Variants in RCOR3 observed in about 807,000 individuals in gnomAD.
RCOR3 encodes REST corepressor 3.
RCOR3 carries 13 observed loss-of-function variants against 64.1 expected under a neutral mutation model. The observed-to-expected ratio is 0.20, with a 90% confidence interval of 0.13 to 0.32. The LOEUF (loss-of-function observed/expected upper bound fraction) is 0.32, where lower values mean the gene tolerates loss of function less well. RCOR3 is among the 10% of genes least tolerant of loss of function. RCOR3 has a pLI of 1.00. For synonymous variants in RCOR3, 215 were observed against 239.0 expected, an observed-to-expected ratio of 0.90 and a Z score of 0.93; for missense variants, 489 against 701.2, an observed-to-expected ratio of 0.70 and a Z score of 3.42.
intron 7 of RCOR3, among the ~76,000 whole-genome samples, chr1:211,283,826 T>TC (rs1698159522): frequency 6.6e-6 from 1 of 151,252 alleles, no homozygotes; most frequent in Admixed American, 6.6e-5. Context: ...TTTTTTTTTT[T>TC]CACCCATTTT....
At chr1:211,282,146 G>T (rs1697896068) in intron 7 of RCOR3, among the ~76,000 whole-genome samples, 1 of 152,096 alleles carries the variant, frequency 6.6e-6, no homozygotes, top group Non-Finnish European at 1.5e-5. Flanking sequence ...TTGGTCTTTT[G>T]TTTGCTTATG....
At position 211,276,353 on chromosome 1, in the gene RCOR3, G is replaced by T; in HGVS notation, c.451G>T (p.Asp151Tyr). The T allele has an allele frequency of 6.2e-7, 1 of 1,613,982 alleles. No homozygotes were observed. The highest frequency in any genetic ancestry group is 8.5e-7 in the Non-Finnish European group (1 of 1,179,878). The change falls in exon 5 of 12, where the codon GAT becomes TAT. Residue 151 changes from aspartate to tyrosine, a missense_variant. Transcript: ENST00000419091. ...TPFPDEWTVE[D>Y]KVLFEQAFSF... is the part of the protein sequence containing the mutation. ...CTTTCCGGATGAGTGGACAGTGGAA[G>T]ATAAAGTCCTATTTGAACAAGCCTT...
intron 7 of RCOR3, among the ~76,000 whole-genome samples, chr1:211,279,984 A>G (rs1697556839): frequency 1.3e-5 from 2 of 152,198 alleles, no homozygotes; most frequent in Non-Finnish European, 2.9e-5. Flanking sequence ...TTCCAGTCTC[A>G]CTGTAGTCCT....
chr1:211,294,054 G>T (rs1414633396), intron 8 of RCOR3, among the ~76,000 whole-genome samples: 1 of 152,140 alleles, frequency 6.6e-6, no homozygotes, highest in African/African-American at 2.4e-5. Context: ...AGTAGAGTCT[G>T]TTCTGCTATA....
chr1:211,260,579 G>A (rs1409870676), intron 2 of RCOR3, among the ~76,000 whole-genome samples: 1 of 152,080 alleles, frequency 6.6e-6, no homozygotes, highest in South Asian at 2.1e-4. Context: ...GCGCTCTGTC[G>A]GGCGGGTGGC....
intron 2 of RCOR3, among the ~76,000 whole-genome samples, chr1:211,261,735 C>A (rs1314571959): frequency 2.0e-5 from 3 of 151,794 alleles, no homozygotes; most frequent in Non-Finnish European, 4.4e-5. Flanking sequence ...TCCTGGCTAA[C>A]ACGGTGAAAC....
At position 211,315,680 on chromosome 1, in the gene RCOR3, G is replaced by C. The variant is rs977363290; in HGVS notation, c.*1912G>C. 6 of 152,190 alleles carry C rather than the reference G, an allele frequency of 3.9e-5. No homozygotes were observed. Among genetic ancestry groups the C allele is most frequent in the Non-Finnish European group, 8.8e-5 (6 of 68,026 alleles). The allele number at this position is 152,190 out of a possible 1,614,324, so 9.4% of individuals were successfully genotyped here. On this transcript the variant is annotated 3_prime_UTR_variant, in exon 12 of 12. Coordinates refer to ENST00000419091, the MANE Select transcript of RCOR3 (RefSeq NM_001136223.3). ...TCAGTAGACCTTCAGTACACAGTAT[G>C]TGGGATATGTCAGTCAAGTTGGTCA...
rs1024616236 is a variant in RCOR3 at position 211,278,004 on chromosome 1, G to T, written c.517-113G>T. 4 of 891,446 alleles carry T rather than the reference G, an allele frequency of 4.5e-6. No homozygotes were observed. The African/African-American group carries it at 7.0e-5, about 16-fold the overall frequency. The allele number at this position is 891,446 out of a possible 1,614,324, so 55.2% of individuals were successfully genotyped here. A position where few individuals can be genotyped will look rare whatever the true frequency, so the allele number is the denominator to read the frequency against. On this transcript the variant is annotated intron_variant, in intron 5 of 11. Coordinates refer to ENST00000419091, the MANE Select transcript of RCOR3 (RefSeq NM_001136223.3). ...CTTTTTAGCTCTATAATTCATAAAG[G>T]TACCCATGAAATATTTTTTTATTAT...
At position 211,309,470 on chromosome 1, in the gene RCOR3, TGCCAGCATAGAAA is replaced by T. The variant is rs1004600270; in HGVS notation, c.1076-3245_1076-3233del. On this transcript the variant is annotated intron_variant, in intron 10 of 11. Transcript: ENST00000419091. ...ATATTAAAGATTATAAGATATCATC[TGCCAGCATAGAAA>T]GCCAAGTTGTTTCATTGTAACTTTC... 9.6e-4 allele frequency among the ~76,000 whole-genome samples: 146 copies of T among 152,352 alleles called. 1 individual carries two copies. Among genetic ancestry groups the T allele is most frequent in the African/African-American group, 3.3e-3 (139 of 41,580 alleles).
chr1:211,260,539 G>A (rs1026834728), intron 2 of RCOR3, among the ~76,000 whole-genome samples: 6 of 152,366 alleles, frequency 3.9e-5, no homozygotes, highest in African/African-American at 1.4e-4. Flanking sequence ...AATGTCAATT[G>A]CCACCTCGCT....
At chr1:211,259,876 A>G in intron 1 of RCOR3, 150 bp downstream of exon 1, 1 of 974,842 alleles carries the variant, frequency 1.0e-6, no homozygotes, top group Non-Finnish European at 1.4e-6. Flanking sequence ...GTGCAGCAGC[A>G]CCCCCGCGAC....
intron 9 of RCOR3, among the ~76,000 whole-genome samples, chr1:211,300,752 T>C (rs574256286): frequency 6.6e-6 from 1 of 152,326 alleles, no homozygotes; most frequent in South Asian, 2.1e-4. Flanking sequence ...AGTGCAGTAG[T>C]GCTGGCAATT....
chr1:211,272,655 TC>T (rs1273180646), intron 3 of RCOR3, among the ~76,000 whole-genome samples: 1 of 118,742 alleles, frequency 8.4e-6, no homozygotes, highest in Non-Finnish European at 1.7e-5. Flanking sequence ...GGAGTCTCGC[TC>T]TGTCGCCCAG....
At chr1:211,262,411 A>C (rs993914822) in intron 2 of RCOR3, among the ~76,000 whole-genome samples, 1 of 152,128 alleles carries the variant, frequency 6.6e-6, no homozygotes, top group Non-Finnish European at 1.5e-5. Context: ...TAAAATTTGT[A>C]ATTATGAAGA....
chr1:211,311,971 A>G (rs1221611225), intron 10 of RCOR3, among the ~76,000 whole-genome samples: 1 of 152,210 alleles, frequency 6.6e-6, no homozygotes, highest in East Asian at 1.9e-4. Context: ...AGTTTAAGGT[A>G]GTGATGATGA....
In RCOR3 at chr1:211,290,308, TTC is replaced by T. The variant is rs1288689903; in HGVS notation, c.939+916_939+917del. ...GCTAGGTCTTCCCCAAAAGATTTTT[TTC>T]TCTGTTTCCTGTCTGTTGAAACATC... On this transcript the variant is annotated intron_variant, in intron 8 of 11. Transcript: ENST00000419091. Among the ~76,000 whole-genome samples, 4 of 152,318 alleles carry T rather than the reference TTC, an allele frequency of 2.6e-5. No individual in the cohort carries two copies. The East Asian group carries it at 5.8e-4, about 22-fold the overall frequency.
chr1:211,292,687 G>A (rs1376348919), intron 8 of RCOR3, among the ~76,000 whole-genome samples: 5 of 152,096 alleles, frequency 3.3e-5, no homozygotes, highest in African/African-American at 7.2e-5. Context: ...TCTGTTCCAC[G>A]TTTTGTATTT....
intron 7 of RCOR3, among the ~76,000 whole-genome samples, chr1:211,280,944 A>C (rs1359494384): frequency 6.9e-6 from 1 of 145,966 alleles, no homozygotes; most frequent in Non-Finnish European, 1.5e-5. Context: ...AGATTCCAAC[A>C]TTGCACTCCA....
At chr1:211,284,918 A>G (rs1314974258) in intron 7 of RCOR3, among the ~76,000 whole-genome samples, 1 of 152,196 alleles carries the variant, frequency 6.6e-6, no homozygotes, top group Non-Finnish European at 1.5e-5. Context: ...CTGGCTCTCT[A>G]TTCTGCTTCT....
Sources: gnomAD v4.1 joint callset for allele counts (sites outside exome capture counted in the v4.1 genomes callset) on GRCh38, gnomAD v4.1.1 for gene constraint, MANE v1.5 for transcripts, NCBI Gene and HGNC (gene_info 2026-07-23, HGNC 2026-07-21) for gene names.